TBC1D22A: variants seen among roughly 807,000 people sequenced by gnomAD.
The protein encoded by TBC1D22A is putative GTPase activator.
A neutral mutation model predicts 60.2 loss-of-function variants in TBC1D22A; 38 were observed. The ratio of observed to expected loss-of-function variants is 0.63; its 90% CI spans 0.49 to 0.83. The LOEUF (loss-of-function observed/expected upper bound fraction) is 0.83, where lower values mean the gene tolerates loss of function less well. TBC1D22A is among the 40% of genes least tolerant of loss of function. The pLI, the probability that TBC1D22A is intolerant of heterozygous loss-of-function variation, is 0.00. For missense variants in TBC1D22A, 628 were observed against 701.0 expected, an observed-to-expected ratio of 0.90 and a Z score of 1.18; for synonymous variants, 302 against 281.7, an observed-to-expected ratio of 1.07 and a Z score of -0.72.
At chr22:46,858,461 A>ACCC (rs376169833) in intron 4 of TBC1D22A, among the ~76,000 whole-genome samples, 102 of 151,444 alleles carry the variant, frequency 6.7e-4, no homozygotes, top group Admixed American at 3.0e-3. Flanking sequence ...TGTGGCAAAC[A>ACCC]CCCCCCCCAG....
At position 47,003,497 on chromosome 22, in the gene TBC1D22A, TACAC is replaced by T. The variant is rs199773126; in HGVS notation, c.1201+5795_1201+5798del. Among the ~76,000 whole-genome samples the T allele has an allele frequency of 7.2e-5, 9 of 125,528 alleles. 1 individual carries two copies. In the East Asian group the frequency reaches 2.3e-3, roughly 32 times the overall value. The allele number at this position is 125,528 out of a possible 152,430, so 82.4% of individuals were successfully genotyped here. A position where few individuals can be genotyped will look rare whatever the true frequency, so the allele number is the denominator to read the frequency against. On this transcript the variant is annotated intron_variant, in intron 10 of 12. Transcript: ENST00000337137. Reference sequence around the variant, plus strand: ...CACGCACCCTACGCACACATGCCTGTACACACACACCCGCCAGATACATATACAC... The same window carrying T: ...CACGCACCCTACGCACACATGCCTGTACACACCCGCCAGATACATATACAC...
chr22:46,990,623 C>T lies in TBC1D22A; in HGVS notation c.1126-7011C>T, dbSNP rs2074903058. On this transcript the variant is annotated intron_variant, in intron 9 of 12. Transcript: ENST00000337137. This position sits in a 1 kb window ranked among gnomAD's most constrained non-coding sequence, Gnocchi z 4.6. ...AAGTGTCGCACAGTGTCGTCCCCTG[C>T]CCTGAACACCCTCGTGCCCCGCCTG... is the stretch of plus-strand genomic sequence containing the variant. Among the ~76,000 whole-genome samples the T allele has an allele frequency of 6.6e-6, 1 of 152,084 alleles. No individual in the cohort carries two copies. The highest frequency in any genetic ancestry group is 2.4e-5 in the African/African-American group (1 of 41,400).
intron 11 of TBC1D22A, among the ~76,000 whole-genome samples, chr22:47,108,906 A>C (rs1728942592): frequency 6.6e-6 from 1 of 152,186 alleles, no homozygotes; most frequent in Non-Finnish European, 1.5e-5. Context: ...CGTGTTAGCC[A>C]GGATGGTCTT....
At chr22:47,148,007 A>G (rs1218074691) in intron 12 of TBC1D22A, among the ~76,000 whole-genome samples, 1 of 152,208 alleles carries the variant, frequency 6.6e-6, no homozygotes. Context: ...CTCCTAGGAC[A>G]GTGCCAGGGA....
chr22:46,995,984 C>T (rs949986500), intron 9 of TBC1D22A, among the ~76,000 whole-genome samples: 13 of 152,196 alleles, frequency 8.5e-5, no homozygotes, highest in East Asian at 3.9e-4. Context: ...CTCTGAATGC[C>T]GGGTGCCACG....
chr22:47,140,798 C>T (rs1198955485), intron 12 of TBC1D22A, among the ~76,000 whole-genome samples: 2 of 152,146 alleles, frequency 1.3e-5, no homozygotes, highest in African/African-American at 4.8e-5. Flanking sequence ...TGAGCATTCC[C>T]CATGCTGGGG....
chr22:47,053,646 G>C (rs1199942623), intron 11 of TBC1D22A, among the ~76,000 whole-genome samples: 1 of 152,254 alleles, frequency 6.6e-6, no homozygotes, highest in Non-Finnish European at 1.5e-5. Context: ...TTGAGAGGTT[G>C]GTTTGAGGTA....
chr22:47,096,609 G>A (rs911816889), intron 11 of TBC1D22A, among the ~76,000 whole-genome samples: 2 of 152,082 alleles, frequency 1.3e-5, no homozygotes, highest in African/African-American at 4.8e-5. Context: ...ATCACTTGAG[G>A]CCAGGAGTTT....
At chr22:47,060,293 G>C (rs992977402) in intron 11 of TBC1D22A, among the ~76,000 whole-genome samples, 2 of 147,238 alleles carry the variant, frequency 1.4e-5, no homozygotes, top group Non-Finnish European at 3.0e-5. Flanking sequence ...CCAGGCTGGA[G>C]TGCAATGGCA....
chr22:46,967,369 G>A (rs2073852764), intron 8 of TBC1D22A, among the ~76,000 whole-genome samples: 1 of 152,136 alleles, frequency 6.6e-6, no homozygotes, highest in Non-Finnish European at 1.5e-5. Context: ...CCAAAGTACT[G>A]GAGTTTCCAA....
intron 1 of TBC1D22A, among the ~76,000 whole-genome samples, chr22:46,771,678 T>G (rs944415487): frequency 7.9e-5 from 12 of 151,906 alleles, no homozygotes; most frequent in African/African-American, 2.7e-4. Context: ...CATTGCAACC[T>G]CTGCCTCCCG....
At chr22:47,118,208 AC>A (rs2066139601) in intron 12 of TBC1D22A, among the ~76,000 whole-genome samples, 1 of 152,216 alleles carries the variant, frequency 6.6e-6, no homozygotes, top group African/African-American at 2.4e-5. Context: ...TGGAATTTGT[AC>A]CAACAAAGAA....
chr22:46,785,933 A>G (rs575721905), intron 1 of TBC1D22A, among the ~76,000 whole-genome samples: 4 of 152,308 alleles, frequency 2.6e-5, no homozygotes, highest in African/African-American at 9.6e-5. Context: ...GACATGCATC[A>G]TCATGCCTGG....
intron 10 of TBC1D22A, among the ~76,000 whole-genome samples, chr22:47,007,365 G>A (rs1348916893): frequency 3.3e-5 from 5 of 152,208 alleles, no homozygotes; most frequent in Non-Finnish European, 5.9e-5. Flanking sequence ...CAGATGAAAA[G>A]GCAGCTGCTT....
intron 12 of TBC1D22A, among the ~76,000 whole-genome samples, chr22:47,140,200 C>T (rs1481686451): frequency 1.3e-5 from 2 of 151,676 alleles, no homozygotes; most frequent in African/African-American, 4.8e-5. Flanking sequence ...GCTCTGAATG[C>T]GCGTGCTGAG....
At chr22:46,883,600 G>C (rs1216695265) in intron 5 of TBC1D22A, among the ~76,000 whole-genome samples, 1 of 152,186 alleles carries the variant, frequency 6.6e-6, no homozygotes, top group East Asian at 1.9e-4. Context: ...AAGTATTTCT[G>C]AGAGCCCTCT....
chr22:46,858,565 C>T (rs1439493692), intron 4 of TBC1D22A, among the ~76,000 whole-genome samples: 2 of 152,208 alleles, frequency 1.3e-5, no homozygotes, highest in African/African-American at 2.4e-5. Flanking sequence ...GCATGCCATC[C>T]GTGTTCCTGC....
At chr22:47,056,630 G>A (rs527845497) in intron 11 of TBC1D22A, among the ~76,000 whole-genome samples, 4 of 152,162 alleles carry the variant, frequency 2.6e-5, no homozygotes, top group African/African-American at 7.2e-5. Context: ...TGCCTGAGCC[G>A]TGCAGCTGGC....
intron 1 of TBC1D22A, among the ~76,000 whole-genome samples, chr22:46,782,924 A>T (rs1421655566): frequency 6.6e-6 from 1 of 152,140 alleles, no homozygotes; most frequent in Non-Finnish European, 1.5e-5. Flanking sequence ...ATGCTGTACA[A>T]GGTTTTGGTG....
Sources: gnomAD v4.1 joint callset for allele counts (sites outside exome capture counted in the v4.1 genomes callset) on GRCh38, gnomAD v4.1.1 for gene constraint, Gnocchi (gnomAD v3.1) non-coding constraint, MANE v1.5 for transcripts, NCBI Gene and HGNC (gene_info 2026-07-23, HGNC 2026-07-21) for gene names.